The following AHCTF1 variants were observed in gnomAD, a reference collection of about 807,000 sequenced individuals.
AHCTF1 encodes the protein AT-hook containing transcription factor 1.
Under a neutral mutation model 248.4 loss-of-function variants are expected in AHCTF1, and 24 were observed. The ratio of observed to expected loss-of-function variants is 0.10; its 90% confidence interval spans 0.07 to 0.14. AHCTF1 has a LOEUF of 0.14. Ranked by LOEUF, AHCTF1 falls within the 10% of genes least tolerant of loss-of-function variation. AHCTF1 has a pLI of 1.00. For missense variants in AHCTF1, 2,206 were observed against 2,636.2 expected (o/e 0.84, Z 3.57); for synonymous variants, 786 against 929.8 (o/e 0.85, Z 2.81).
At chr1:246,916,102 T>C (rs1177923689) in intron 3 of AHCTF1, 40 bp downstream of exon 3, 1 of 1,586,904 alleles carries the variant, frequency 6.3e-7, no homozygotes, top group South Asian at 1.2e-5. Flanking sequence ...GGGGTTCAGT[T>C]TTGAAAGAGA....
intron 8 of AHCTF1, 22 bp from the exon 9 acceptor site, chr1:246,900,491 T>A (rs1190460750): frequency 6.3e-7 from 1 of 1,578,696 alleles, no homozygotes; most frequent in Non-Finnish European, 8.5e-7. Flanking sequence ...AGATAATTTT[T>A]AAAAACAGAA....
intron 21 of AHCTF1, among the ~76,000 whole-genome samples, chr1:246,881,607 C>T (rs1002323992): frequency 5.3e-5 from 8 of 151,888 alleles, no homozygotes; most frequent in South Asian, 2.1e-4. Flanking sequence ...GAGGCCGAGG[C>T]GGGCGGATCA....
At chr1:246,908,728 A>AT (rs1296997542) in intron 4 of AHCTF1, among the ~76,000 whole-genome samples, 3 of 150,598 alleles carry the variant, frequency 2.0e-5, no homozygotes, top group Non-Finnish European at 4.4e-5. Flanking sequence ...TCTACTAAAA[A>AT]AAAAAAAAAA....
At chr1:246,883,906 T>C (rs1363863017) in intron 21 of AHCTF1, among the ~76,000 whole-genome samples, 1 of 152,152 alleles carries the variant, frequency 6.6e-6, no homozygotes, top group Non-Finnish European at 1.5e-5. Context: ...CAGAGAAACA[T>C]GCTCTGGATG....
chr1:246,866,509 C>G (rs1288295980), intron 26 of AHCTF1, among the ~76,000 whole-genome samples: 2 of 152,124 alleles, frequency 1.3e-5, no homozygotes, highest in Non-Finnish European at 2.9e-5. Context: ...AAACTACACT[C>G]TGTACTTCTG....
rs146780498 is a variant in AHCTF1 at position 246,853,247 on chromosome 1, T to C, written c.4407A>G (p.Glu1469=). 45 of 1,613,762 alleles carry C rather than the reference T, an allele frequency of 2.8e-5. No homozygotes were observed. Among genetic ancestry groups the C allele is most frequent in the Non-Finnish European group, 3.6e-5 (43 of 1,179,964 alleles). The change falls in exon 32 of 36, where the codon GAA becomes GAG. Residue 1469 remains glutamate (E), a synonymous_variant. Coordinates refer to ENST00000648844, the MANE Select transcript of AHCTF1 (RefSeq NM_001323342.2). ...DGGNSSLTIS[E]GPIVSERRLN... is the part of the protein sequence containing the mutation. Reference sequence around the variant, plus strand: ...GCCTGCGCTCAGAGACAATAGGACCTTCAGAGATAGTGAGCGAGGAGTTTC... The same window carrying C: ...GCCTGCGCTCAGAGACAATAGGACCCTCAGAGATAGTGAGCGAGGAGTTTC...
At chr1:246,906,054 A>G (rs921625870) in intron 5 of AHCTF1, among the ~76,000 whole-genome samples, 1 of 152,246 alleles carries the variant, frequency 6.6e-6, no homozygotes, top group East Asian at 1.9e-4. Context: ...ATACTGCTCA[A>G]CCATAAAAGA....
chr1:246,888,149 A>C, intron 19 of AHCTF1, 28 bp downstream of exon 19: 1 of 1,608,702 alleles, frequency 6.2e-7, no homozygotes, highest in Non-Finnish European at 8.5e-7. Flanking sequence ...GTAATACATG[A>C]AACACTGGAT....
Position 246,887,307 on chromosome 1 carries a change from G to A in AHCTF1, c.2376C>T (p.Asp792=), listed in dbSNP as rs569930622. The change falls in exon 20 of 36, where the codon GAC becomes GAT. Residue 792 remains aspartate, a synonymous_variant. Transcript: ENST00000648844. ...CAGTTGGGAAAGATTCAATGGGAGT[G>A]TCTGTTTTGTTGGGAAAGGAATACA... The part of the protein sequence containing the change: ...DIMYSFPNKT[D]TPIESFPTVF... The A allele has an allele frequency of 3.1e-5, 50 of 1,613,240 alleles. No individual in the cohort carries two copies. The East Asian group carries it at 1.1e-3, about 35-fold the overall frequency.
intron 33 of AHCTF1, among the ~76,000 whole-genome samples, chr1:246,845,874 T>C (rs1341019906): frequency 6.6e-6 from 1 of 152,126 alleles, no homozygotes; most frequent in Non-Finnish European, 1.5e-5. Context: ...CTGTGGCCAA[T>C]GCAAACCATG....
At position 246,902,604 on chromosome 1, in the gene AHCTF1, C is replaced by T. The variant is rs775353910; in HGVS notation, c.1038G>A (p.Thr346=). ...GGCATCCCAACAATTTGGTATTACT[C>T]GTCTGTCCCCTCAAAGGGAACATGC... ...TGGMFPLRGQ[T]SNTKLLGCQS... Residue 346 remains threonine (T), a synonymous_variant, in exon 8 of 36, where the codon ACG becomes ACA. Coordinates refer to ENST00000648844, the MANE Select transcript of AHCTF1 (RefSeq NM_001323342.2). 14 of 1,612,630 alleles carry T rather than the reference C, an allele frequency of 8.7e-6. No homozygotes were observed. Among genetic ancestry groups the T allele is most frequent in the African/African-American group, 1.3e-5 (1 of 74,880 alleles).
chr1:246,881,612 G>A (rs1368932600), intron 21 of AHCTF1, among the ~76,000 whole-genome samples: 1 of 151,942 alleles, frequency 6.6e-6, no homozygotes, highest in African/African-American at 2.4e-5. Flanking sequence ...CGAGGCGGGC[G>A]GATCACCTGA....
At chr1:246,897,507 A>C (rs1394661377) in intron 12 of AHCTF1, among the ~76,000 whole-genome samples, 2 of 152,184 alleles carry the variant, frequency 1.3e-5, no homozygotes, top group Admixed American at 6.5e-5. Flanking sequence ...ATTGTTGTGC[A>C]ATCATGGTAA....
intron 34 of AHCTF1, 89 bp from the exon 35 acceptor site, chr1:246,842,865 A>ACAC: frequency 9.0e-7 from 1 of 1,109,900 alleles, no homozygotes. Flanking sequence ...CTAGAGCCAA[A>ACAC]CACTGATGAA....
At chr1:246,923,915 G>A (rs1195784989) in intron 1 of AHCTF1, among the ~76,000 whole-genome samples, 3 of 152,192 alleles carry the variant, frequency 2.0e-5, no homozygotes, top group African/African-American at 7.2e-5. Context: ...TACATACTAT[G>A]CCACAGGACC....
chr1:246,892,391 G>A (rs1000517985), intron 14 of AHCTF1, among the ~76,000 whole-genome samples: 10 of 122,972 alleles, frequency 8.1e-5, no homozygotes, highest in Admixed American at 4.5e-4. Flanking sequence ...CTCAATCTCC[G>A]CTCACTGCAA....
At chr1:246,913,884 T>C (rs1177798015) in intron 3 of AHCTF1, among the ~76,000 whole-genome samples, 2 of 152,124 alleles carry the variant, frequency 1.3e-5, no homozygotes, top group Non-Finnish European at 2.9e-5. Context: ...CTCCTAAGAG[T>C]AAAAACTAAT....
intron 24 of AHCTF1, among the ~76,000 whole-genome samples, chr1:246,872,824 GCT>G (rs1662693199): frequency 6.6e-6 from 1 of 152,140 alleles, no homozygotes; most frequent in African/African-American, 2.4e-5. Flanking sequence ...AGTAAAACAT[GCT>G]GTAGATTTTT....
chr1:246,899,286 C>G (rs1227838442), intron 11 of AHCTF1, among the ~76,000 whole-genome samples, 165 bp downstream of exon 11: 3 of 152,098 alleles, frequency 2.0e-5, no homozygotes, highest in African/African-American at 7.2e-5. Flanking sequence ...GGCAGGCTGT[C>G]ATTAGTAACT....
Sources: gnomAD v4.1 joint callset for allele counts (sites outside exome capture counted in the v4.1 genomes callset) on GRCh38, gnomAD v4.1.1 for gene constraint, MANE v1.5 for transcripts, NCBI Gene and HGNC (gene_info 2026-07-23, HGNC 2026-07-21) for gene names.